The following AHRR variants were observed in gnomAD, a reference collection of about 807,000 sequenced individuals.
AHRR encodes ahR repressor.
A neutral mutation model predicts 44.0 loss-of-function variants in AHRR; 28 were observed. The ratio of observed to expected loss-of-function variants is 0.64; its 90% CI spans 0.47 to 0.87. AHRR has a LOEUF of 0.87. Ranked by LOEUF, AHRR falls within the 40% of genes least tolerant of loss-of-function variation. The pLI, the probability that AHRR is intolerant of heterozygous loss-of-function variation, is 0.00. For synonymous variants in AHRR, 434 were observed against 407.0 expected, an observed-to-expected ratio of 1.07 and a Z score of -0.80; for missense variants, 990 against 953.9, an observed-to-expected ratio of 1.04 and a Z score of -0.50.
intron 5 of AHRR, among the ~76,000 whole-genome samples, chr5:421,761 CTG>C (rs1292934365): frequency 6.6e-6 from 1 of 152,338 alleles, no homozygotes; most frequent in African/African-American, 2.4e-5. Flanking sequence ...TCTCCTGAGG[CTG>C]TGTCTCATCT....
At chr5:363,535 C>A (rs180723927) in intron 3 of AHRR, among the ~76,000 whole-genome samples, 304 of 152,334 alleles carry the variant, frequency 2.0e-3, no homozygotes, top group Middle Eastern at 6.8e-3. Flanking sequence ...TATGACCCCA[C>A]CTGGTCCACA....
chr5:422,610 CCT>C lies in AHRR; in HGVS notation c.442-118_442-117del, dbSNP rs368996504. ...GCCGTCTCTTCGGTGGGATTCTCTC[CCT>C]GTGGCTGTGACTTGCTTTGACAAGT... On this transcript the variant is annotated intron_variant, in intron 5 of 10. Transcript: ENST00000684583. 15 of 1,372,886 alleles carry C rather than the reference CCT, an allele frequency of 1.1e-5. No homozygotes were observed. The African/African-American group carries it at 2.0e-4, about 18-fold the overall frequency. 85.0% of individuals were successfully genotyped at this position (1,372,886 alleles called of 1,614,324 possible).
intron 1 of AHRR, among the ~76,000 whole-genome samples, chr5:331,657 G>A (rs1017728115): frequency 3.3e-5 from 5 of 152,142 alleles, no homozygotes; most frequent in African/African-American, 7.2e-5. Context: ...TCCATGGCTC[G>A]CTAGGAACCA....
At chr5:414,576 T>C (rs1157588214) in intron 5 of AHRR, among the ~76,000 whole-genome samples, 1 of 152,038 alleles carries the variant, frequency 6.6e-6, no homozygotes, top group Non-Finnish European at 1.5e-5. Context: ...AAGGAAGCCA[T>C]AGATGGTGAG....
rs1213087930 is a variant in AHRR at position 410,617 on chromosome 5, C to A, written c.352-2727C>A. Among the ~76,000 whole-genome samples the A allele has an allele frequency of 7.2e-5, 11 of 152,342 alleles. No homozygotes were observed. In the South Asian group the frequency reaches 2.1e-3, roughly 29 times the overall value. On this transcript the variant is annotated intron_variant, in intron 4 of 10. Transcript: ENST00000684583. ...TACAGATCAATTTAGGGAGACAGGACAATCCTAACTACATTGAGCCTTTCA... is the reference window on the plus strand; with the variant it reads ...TACAGATCAATTTAGGGAGACAGGAAAATCCTAACTACATTGAGCCTTTCA...
intron 4 of AHRR, among the ~76,000 whole-genome samples, chr5:391,372 A>ACGGGCGCAGGGCGAGGCGGG (rs1560904203): frequency 1.8e-5 from 2 of 109,990 alleles, no homozygotes; most frequent in African/African-American, 1.1e-4. Flanking sequence ...CAGAGCGTGC[A>ACGGGCGCAGGGCGAGGCGGG]TGGGCGCAGG....
rs190195090 is a variant in AHRR at position 413,100 on chromosome 5, G to C, written c.352-244G>C. On this transcript the variant is annotated intron_variant, in intron 4 of 10. Transcript: ENST00000684583. ...AGTCTCACTGTCGCGTCAAGACAAG[G>C]TGCACATAATTTTATATTTATTAGA... Among the ~76,000 whole-genome samples the C allele has an allele frequency of 4.3e-4, 65 of 152,270 alleles. 1 individual carries two copies. In the East Asian group the frequency reaches 0.012, roughly 28 times the overall value.
chr5:421,091 CAT>C, intron 5 of AHRR: 1 of 545,546 alleles, frequency 1.8e-6, no homozygotes, highest in South Asian at 2.2e-5. Context: ...AAAGGACAAA[CAT>C]TGGCCAGAAG....
intron 4 of AHRR, among the ~76,000 whole-genome samples, chr5:392,140 A>C (rs111231982): frequency 4.0e-4 from 5 of 12,488 alleles, no homozygotes; most frequent in Non-Finnish European, 4.1e-4. Flanking sequence ...CAGGGCGAGG[A>C]GGGCGCAGGG....
rs1734284836 is a variant in AHRR at position 388,923 on chromosome 5, G to A, written c.351+12207G>A. Among the ~76,000 whole-genome samples, 1 of 152,160 alleles carries A rather than the reference G, an allele frequency of 6.6e-6. No individual in the cohort carries two copies. The highest frequency in any genetic ancestry group is 6.5e-5 in the Admixed American group (1 of 15,282). On this transcript the variant is annotated intron_variant, in intron 4 of 10. Transcript: ENST00000684583. The surrounding 1 kb of genome is among the most constrained non-coding windows in gnomAD (Gnocchi z 5.2). ...GGGTTTCCGCCGGTGCCTCGCACAG[G>A]AGAGAAGATGGAGCCGAGTGAGGAC...
chr5:399,608 G>GA (rs1327645996), intron 4 of AHRR, among the ~76,000 whole-genome samples: 2 of 152,192 alleles, frequency 1.3e-5, no homozygotes. Context: ...TTCGCAGGAG[G>GA]AAACCAAGGC....
chr5:422,502 C>T (rs1736173607), intron 5 of AHRR: 1 of 568,800 alleles, frequency 1.8e-6, no homozygotes, highest in East Asian at 3.2e-5. Context: ...GATGTGGGCA[C>T]CACTTGGCGG....
chr5:392,389 C>A (rs1411192479), intron 4 of AHRR, among the ~76,000 whole-genome samples: 1 of 118,092 alleles, frequency 8.5e-6, no homozygotes, highest in Non-Finnish European at 1.7e-5. Context: ...GCGAGGAGGG[C>A]GCAGGGTGAG....
chr5:428,234 T>C (rs567295325), intron 8 of AHRR, among the ~76,000 whole-genome samples: 1 of 152,376 alleles, frequency 6.6e-6, no homozygotes, highest in African/African-American at 2.4e-5. Flanking sequence ...TATCGATTCA[T>C]TCCTAAATCA....
rs948618951 is a variant in AHRR at position 404,930 on chromosome 5, C to T, written c.352-8414C>T. 2.0e-5 allele frequency among the ~76,000 whole-genome samples: 3 copies of T among 152,186 alleles called. No individual in the cohort carries two copies. The highest frequency in any genetic ancestry group is 7.2e-5 in the African/African-American group (3 of 41,440). ...GAGGAGGCTGGCACGAGGCTGTCTT[C>T]ACACTCCCCGCGGGGTCCATTTCAT... On this transcript the variant is annotated intron_variant, in intron 4 of 10. Coordinates refer to ENST00000684583, the MANE Select transcript of AHRR (RefSeq NM_001377236.1). The surrounding 1 kb of genome is among the most constrained non-coding windows in gnomAD (Gnocchi z 4.1).
intron 3 of AHRR, among the ~76,000 whole-genome samples, chr5:371,966 T>G (rs1447708352): frequency 6.6e-6 from 1 of 152,196 alleles, no homozygotes. Context: ...TCTGGCTGCT[T>G]GCACCACTCA....
chr5:343,401 C>A (rs372571390), intron 1 of AHRR: 1 of 166,872 alleles, frequency 6.0e-6, no homozygotes, highest in Non-Finnish European at 1.3e-5. Flanking sequence ...TTGGGGGTGA[C>A]GGGAACACGG....
chr5:415,406 C>G (rs372520352), intron 5 of AHRR, among the ~76,000 whole-genome samples: 1,162 of 73,454 alleles, frequency 0.016, 16 homozygotes, highest in South Asian at 0.021. Flanking sequence ...TCTGCCTGGT[C>G]GGGTGGGAGG....
At chr5:398,675 C>CT (rs1001036891) in intron 4 of AHRR, among the ~76,000 whole-genome samples, 3 of 152,204 alleles carry the variant, frequency 2.0e-5, no homozygotes, top group African/African-American at 7.2e-5. Flanking sequence ...CCCCACCCCC[C>CT]TTGGCTGTTA....
Sources: gnomAD v4.1 joint callset for allele counts (sites outside exome capture counted in the v4.1 genomes callset) on GRCh38, gnomAD v4.1.1 for gene constraint, Gnocchi (gnomAD v3.1) non-coding constraint, MANE v1.5 for transcripts, NCBI Gene and HGNC (gene_info 2026-07-23, HGNC 2026-07-21) for gene names.